PGM2: variants seen among roughly 807,000 people sequenced by gnomAD.
PGM2 encodes phosphoglucomutase 2.
PGM2 carries 57 observed loss-of-function variants against 74.6 expected under a neutral mutation model. That is an observed-to-expected ratio of 0.76 (90% CI 0.62 to 0.95). PGM2 has a LOEUF of 0.95. Ranked by LOEUF, PGM2 falls within the 40% of genes least tolerant of loss-of-function variation. The pLI is 0.00. For synonymous variants in PGM2, 273 were observed against 260.7 expected, an observed-to-expected ratio of 1.05 and a Z score of -0.46; for missense variants, 706 against 741.9, an observed-to-expected ratio of 0.95 and a Z score of 0.56.
intron 6 of PGM2, among the ~76,000 whole-genome samples, chr4:37,842,514 T>A (rs141227369): frequency 6.6e-6 from 1 of 151,676 alleles, no homozygotes; most frequent in Non-Finnish European, 1.5e-5. Context: ...TTCTAAAAGG[T>A]TTGCAGTTGT....
chr4:37,861,023 G>A (rs1414742721), intron 13 of PGM2, among the ~76,000 whole-genome samples: 1 of 152,096 alleles, frequency 6.6e-6, no homozygotes. Context: ...TTCTAGGAAG[G>A]CTTTATAGAC....
chr4:37,847,124 T>C lies in PGM2; in HGVS notation c.1188+13T>C. 6.2e-7 allele frequency: 1 copy of C among 1,609,120 alleles called. No homozygotes were observed. Among genetic ancestry groups the C allele is most frequent in the Non-Finnish European group, 8.5e-7 (1 of 1,175,774 alleles). On this transcript the variant is annotated intron_variant, in intron 9 of 13. Transcript: ENST00000381967. ...TTTTCATTTTGAGGTAGGGTGTTTCTGGGACTCACTCATTTTCCTTTCATC... is the reference window on the plus strand; with the variant it reads ...TTTTCATTTTGAGGTAGGGTGTTTCCGGGACTCACTCATTTTCCTTTCATC...
At chr4:37,841,104 G>A (rs1246439706) in intron 6 of PGM2, among the ~76,000 whole-genome samples, 43 of 114,598 alleles carry the variant, frequency 3.8e-4, no homozygotes, top group African/African-American at 1.1e-3. Context: ...ATATATATGT[G>A]TGTGTGTGTG....
chr4:37,834,159 C>G (rs1358143242), intron 2 of PGM2, among the ~76,000 whole-genome samples: 1 of 152,046 alleles, frequency 6.6e-6, no homozygotes, highest in African/African-American at 2.4e-5. Context: ...TTGCAAGACC[C>G]TGTCTCTACA....
intron 6 of PGM2, among the ~76,000 whole-genome samples, chr4:37,840,985 T>C (rs1173370595): frequency 4.7e-5 from 7 of 148,092 alleles, no homozygotes; most frequent in African/African-American, 1.7e-4. Flanking sequence ...TATATATATG[T>C]ATGTTTTTAA....
At chr4:37,841,320 C>T (rs1277208733) in intron 6 of PGM2, among the ~76,000 whole-genome samples, 1 of 151,882 alleles carries the variant, frequency 6.6e-6, no homozygotes, top group Admixed American at 6.6e-5. Context: ...CAGACTCAGT[C>T]CTTACCATCA....
intron 1 of PGM2, 111 bp from the exon 2 acceptor site, chr4:37,829,853 T>C (rs1383897954): frequency 3.0e-6 from 1 of 334,338 alleles, no homozygotes; most frequent in Admixed American, 4.5e-5. Context: ...TCTACATATA[T>C]ATATATACAT....
rs561160006 is a variant in PGM2 at position 37,855,498 on chromosome 4, T to G, written c.1603-110T>G. 23 of 954,204 alleles carry G rather than the reference T, an allele frequency of 2.4e-5. 1 individual carries two copies. In the East Asian group the frequency reaches 5.4e-4, roughly 23 times the overall value. 59.1% of individuals were successfully genotyped at this position (954,204 alleles called of 1,614,324 possible). A position where few individuals can be genotyped will look rare whatever the true frequency, so the allele number is the denominator to read the frequency against. On this transcript the variant is annotated intron_variant, in intron 12 of 13. Transcript: ENST00000381967. ...TGATTTCCTCCAGAATGTTTTTCTTTTCTAACCAATAGATTTGTTTGGCAT... is the reference window on the plus strand; with the variant it reads ...TGATTTCCTCCAGAATGTTTTTCTTGTCTAACCAATAGATTTGTTTGGCAT...
intron 6 of PGM2, among the ~76,000 whole-genome samples, chr4:37,840,915 A>G (rs1725691347): frequency 6.6e-6 from 1 of 151,086 alleles, no homozygotes; most frequent in South Asian, 2.1e-4. Flanking sequence ...GATTCCATAC[A>G]TGTATGTGAT....
rs150576315 is a variant in PGM2, at chr4:37,840,145, C to G, written c.605C>G (p.Pro202Arg). The G allele has an allele frequency of 6.2e-7, 1 of 1,613,206 alleles. No homozygotes were observed. Residue 202 changes from proline (P) to arginine (R), a missense_variant, in exon 6 of 14, where the codon CCG becomes CGG. Pro to Arg is a moderately radical substitution (Grantham distance 103). Transcript: ENST00000381967. ...CAAGCTATTGAAGAAAATCTAGAAC[C>G]GTGGCCTCAAGCTTGGGACGATTCT... Reference protein sequence around the residue: ...ISQAIEENLEPWPQAWDDSLI... With the variant: ...ISQAIEENLERWPQAWDDSLI...
At chr4:37,831,750 G>A (rs1013383623) in intron 2 of PGM2, among the ~76,000 whole-genome samples, 5 of 152,138 alleles carry the variant, frequency 3.3e-5, no homozygotes, top group African/African-American at 7.2e-5. Context: ...CACTTCTACC[G>A]TATTCGGTTT....
intron 13 of PGM2, among the ~76,000 whole-genome samples, chr4:37,858,280 C>G (rs10015571): frequency 0.36 from 55,371 of 151,818 alleles, 12,125 homozygotes; most frequent in African/African-American, 0.61. Flanking sequence ...TATGTGGTCA[C>G]GGCTTAAGCA....
At chr4:37,849,264 C>A (rs6847524) in intron 11 of PGM2, among the ~76,000 whole-genome samples, 120,176 of 151,956 alleles carry the variant, frequency 0.79, 48,023 homozygotes, top group African/African-American at 0.87. Flanking sequence ...TTTTGTAGCA[C>A]TTACTCAACT....
intron 5 of PGM2, 40 bp downstream of exon 5, chr4:37,839,971 AG>A (rs775681588): frequency 6.7e-7 from 1 of 1,481,568 alleles, no homozygotes; most frequent in South Asian, 1.1e-5. Context: ...ATCCTTCTGT[AG>A]GAATCCTGTA....
chr4:37,858,513 G>GTTTTT (rs34291894), intron 13 of PGM2, among the ~76,000 whole-genome samples: 1 of 135,058 alleles, frequency 7.4e-6, no homozygotes, highest in East Asian at 2.1e-4. Context: ...ATTTTTTGGT[G>GTTTTT]TTTTTTTTTT....
At chr4:37,837,158 G>A (rs1377049017) in intron 3 of PGM2, among the ~76,000 whole-genome samples, 3 of 152,136 alleles carry the variant, frequency 2.0e-5, no homozygotes. Flanking sequence ...AATGTTTCGA[G>A]ACATTTCAGA....
At chr4:37,849,592 G>C (rs968104289) in intron 11 of PGM2, among the ~76,000 whole-genome samples, 2 of 151,480 alleles carry the variant, frequency 1.3e-5, no homozygotes, top group African/African-American at 4.9e-5. Context: ...ACTTTTAGTA[G>C]AGTTAGGGGT....
At chr4:37,852,942 A>G (rs1726093271) in intron 12 of PGM2, among the ~76,000 whole-genome samples, 1 of 152,126 alleles carries the variant, frequency 6.6e-6, no homozygotes. Flanking sequence ...AAGGGAGCTA[A>G]TTGGTTATTT....
intron 4 of PGM2, among the ~76,000 whole-genome samples, chr4:37,838,142 A>C (rs1725618714): frequency 6.6e-6 from 1 of 152,150 alleles, no homozygotes; most frequent in Admixed American, 6.5e-5. Context: ...TGGCCTCCGG[A>C]AGTGCTGGGA....
Sources: allele counts gnomAD v4.1 joint callset (sites outside exome capture counted in the v4.1 genomes callset), GRCh38; gene constraint gnomAD v4.1.1; transcripts MANE v1.5; gene names NCBI Gene and HGNC (gene_info 2026-07-23, HGNC 2026-07-21).